The following SCML4 variants were observed in gnomAD, a reference collection of about 807,000 sequenced individuals.
SCML4 encodes the protein sex comb on midleg-like protein 4.
Under a neutral mutation model 41.1 loss-of-function variants are expected in SCML4, and 34 were observed. The ratio of observed to expected loss-of-function variants is 0.83; its 90% CI spans 0.63 to 1.10. SCML4 has a LOEUF of 1.10. Among genes scored for constraint, SCML4 ranks in the 50% least tolerant of loss-of-function variants. The pLI is 0.00. For synonymous variants in SCML4, 214 were observed against 220.9 expected, an observed-to-expected ratio of 0.97 and a Z score of 0.28; for missense variants, 522 against 534.1, an observed-to-expected ratio of 0.98 and a Z score of 0.22.
At chr6:107,779,809 ATC>A (rs1781339417) in intron 1 of SCML4, among the ~76,000 whole-genome samples, 1 of 152,196 alleles carries the variant, frequency 6.6e-6, no homozygotes, top group Admixed American at 6.5e-5. Context: ...GCACTTTGGC[ATC>A]TGTCTGAAAT....
At chr6:107,833,918 A>C in the SCML4 span, among the ~76,000 whole-genome samples, 6,153 of 152,208 alleles carry the variant, frequency 0.04, 389 homozygotes, top group African/African-American at 0.14. Flanking sequence ...GTGTGGGTTA[A>C]ATGAGTTAGG....
At chr6:107,795,993 G>T (rs1782680975) in intron 1 of SCML4, among the ~76,000 whole-genome samples, 1 of 152,192 alleles carries the variant, frequency 6.6e-6, no homozygotes, top group Admixed American at 6.5e-5. Flanking sequence ...ATATTTGTAA[G>T]TATACCAGCA....
chr6:107,711,261 C>T (rs1325726408), intron 6 of SCML4, among the ~76,000 whole-genome samples: 1 of 152,208 alleles, frequency 6.6e-6, no homozygotes. Context: ...GTGAAAAATA[C>T]AAATGTGATC....
intron 3 of SCML4, among the ~76,000 whole-genome samples, chr6:107,748,407 G>GTTTTTTTT (rs1328877406): frequency 1.3e-5 from 2 of 151,848 alleles, no homozygotes; most frequent in East Asian, 3.9e-4. Context: ...TTGTTTTTTT[G>GTTTTTTTT]TTTTTTTGAG....
At chr6:107,817,901 C>CA (rs1784670690) in intron 1 of SCML4, among the ~76,000 whole-genome samples, 1 of 152,148 alleles carries the variant, frequency 6.6e-6, no homozygotes, top group Non-Finnish European at 1.5e-5. Flanking sequence ...CACGGTTGTA[C>CA]AGTTTCTCAC....
the SCML4 span, among the ~76,000 whole-genome samples, chr6:107,843,267 C>T: frequency 1.3e-5 from 2 of 151,982 alleles, no homozygotes; most frequent in African/African-American, 4.8e-5. Context: ...TTTCAAACTG[C>T]TGAAAATAGA....
At chr6:107,801,317 T>C in intron 1 of SCML4, among the ~76,000 whole-genome samples, 1 of 152,200 alleles carries the variant, frequency 6.6e-6, no homozygotes, top group East Asian at 1.9e-4. Flanking sequence ...CCAACTCCTG[T>C]AATCCCTTCC....
At chr6:107,733,740 C>T (rs1363307903) in intron 5 of SCML4, among the ~76,000 whole-genome samples, 1 of 152,244 alleles carries the variant, frequency 6.6e-6, no homozygotes, top group East Asian at 1.9e-4. Flanking sequence ...TTCCACCAGT[C>T]CTTGTGCTTC....
chr6:107,811,175 C>T lies in SCML4; in HGVS notation c.-60+12951G>A, dbSNP rs137868864. Among the ~76,000 whole-genome samples, 491 of 152,270 alleles carry T rather than the reference C, an allele frequency of 3.2e-3. 2 individuals carry two copies. Among genetic ancestry groups the T allele is most frequent in the African/African-American group, 0.011 (471 of 41,564 alleles). On this transcript the variant is annotated intron_variant, in intron 1 of 7. Coordinates refer to ENST00000369020, the MANE Select transcript of SCML4 (RefSeq NM_198081.5). ...GATCTTAGACTTCTAGCTTTCAGAA[C>T]TGTTAGAAAATAAATTTCTTCTGTG...
At chr6:107,798,750 C>T (rs918798912) in intron 1 of SCML4, among the ~76,000 whole-genome samples, 5 of 152,090 alleles carry the variant, frequency 3.3e-5, no homozygotes, top group Non-Finnish European at 7.4e-5. Flanking sequence ...CCCCTCTACT[C>T]GTCCCTTTAG....
intron 1 of SCML4, among the ~76,000 whole-genome samples, chr6:107,809,642 A>G (rs1784011330): frequency 1.3e-5 from 2 of 152,230 alleles, no homozygotes; most frequent in African/African-American, 4.8e-5. Context: ...AAGCAGTGAT[A>G]CCTTCAATGA....
chr6:107,778,998 GT>G (rs1374331056), intron 1 of SCML4, among the ~76,000 whole-genome samples: 3 of 151,978 alleles, frequency 2.0e-5, no homozygotes, highest in Non-Finnish European at 4.4e-5. Flanking sequence ...GGCTAACACC[GT>G]GAAACCCCGT....
At chr6:107,706,520 T>C (rs1451850384) in intron 7 of SCML4, among the ~76,000 whole-genome samples, 1 of 152,226 alleles carries the variant, frequency 6.6e-6, no homozygotes. Flanking sequence ...TAATGGTCAC[T>C]GTGGAAGGCG....
intron 5 of SCML4, among the ~76,000 whole-genome samples, chr6:107,727,593 C>A (rs1334119636): frequency 6.6e-6 from 1 of 152,170 alleles, no homozygotes; most frequent in East Asian, 1.9e-4. Context: ...GCTATGCAGC[C>A]AATGAAGTGC....
At chr6:107,778,907 G>A (rs1382641098) in intron 1 of SCML4, among the ~76,000 whole-genome samples, 8 of 152,168 alleles carry the variant, frequency 5.3e-5, no homozygotes, top group Admixed American at 3.3e-4. Flanking sequence ...CCGGCCGGGC[G>A]CGGTGGCTCA....
At chr6:107,777,009 G>T (rs182370746) in intron 1 of SCML4, among the ~76,000 whole-genome samples, 4 of 152,142 alleles carry the variant, frequency 2.6e-5, no homozygotes, top group Admixed American at 2.0e-4. Flanking sequence ...GCATAAAAAG[G>T]TCTGGGGAAA....
At chr6:107,771,502 T>C (rs1780515067) in intron 2 of SCML4, among the ~76,000 whole-genome samples, 1 of 152,212 alleles carries the variant, frequency 6.6e-6, no homozygotes, top group African/African-American at 2.4e-5. Flanking sequence ...TGGTTTATGA[T>C]TGTGGTTACA....
At chr6:107,844,334 C>T in the SCML4 span, among the ~76,000 whole-genome samples, 1 of 152,204 alleles carries the variant, frequency 6.6e-6, no homozygotes, top group Non-Finnish European at 1.5e-5. Flanking sequence ...CTATCACAAT[C>T]TCTTTTTACC....
intron 2 of SCML4, among the ~76,000 whole-genome samples, chr6:107,750,631 G>A (rs1039430848): frequency 6.6e-6 from 1 of 152,184 alleles, no homozygotes; most frequent in African/African-American, 2.4e-5. Flanking sequence ...GTCTCTGGAA[G>A]TGAGACTCAC....
Sources: gnomAD v4.1 joint callset for allele counts (sites outside exome capture counted in the v4.1 genomes callset) on GRCh38, gnomAD v4.1.1 for gene constraint, MANE v1.5 for transcripts, NCBI Gene and HGNC (gene_info 2026-07-23, HGNC 2026-07-21) for gene names.